Variants in NECAB2 observed in about 807,000 individuals in gnomAD.
NECAB2 encodes the protein N-terminal EF-hand calcium binding protein 2, also known as N-terminal EF-hand calcium-binding protein 2.
Under a neutral mutation model 51.9 loss-of-function variants are expected in NECAB2, and 68 were observed. That is an observed-to-expected ratio of 1.31 (90% CI 1.08 to 1.60). The LOEUF is 1.60. Ranked by LOEUF, NECAB2 falls within the 40% of genes most tolerant of loss-of-function variation. The pLI, the probability that NECAB2 is intolerant of heterozygous loss-of-function variation, is 0.00. For missense variants in NECAB2, 854 were observed against 490.3 expected (o/e 1.74, Z -7.00); for synonymous variants, 329 against 203.5 (o/e 1.62, Z -5.25).
At chr16:83,985,313 C>CAAAAAAAAAAAAAAAAAA (rs71148868) in intron 5 of NECAB2, among the ~76,000 whole-genome samples, 3 of 30,194 alleles carry the variant, frequency 9.9e-5, no homozygotes, top group East Asian at 2.2e-3. Context: ...ATCTCTGTCT[C>CAAAAAAAAAAAAAAAAAA]AAAAAAAAAA....
At chr16:83,971,308 C>T (rs1049191977) in intron 1 of NECAB2, 1 of 152,216 alleles carries the variant, frequency 6.6e-6, no homozygotes, top group African/African-American at 2.4e-5. Context: ...CAGAGTGGGC[C>T]TCACAGCAGC....
chr16:83,991,814 C>CTTTT (rs1362219666), intron 6 of NECAB2, among the ~76,000 whole-genome samples: 47 of 142,750 alleles, frequency 3.3e-4, no homozygotes, highest in African/African-American at 1.2e-3. Context: ...CCACACCCAG[C>CTTTT]TATTTTTTTT....
chr16:83,999,829 G>T (rs73248864), intron 10 of NECAB2, among the ~76,000 whole-genome samples: 23 of 152,066 alleles, frequency 1.5e-4, no homozygotes, highest in Middle Eastern at 6.8e-3. Context: ...TTAAATGAGA[G>T]GACAAGTAGA....
At chr16:83,982,647 ATGGTTGCGTCT>A (rs1470530156) in intron 5 of NECAB2, among the ~76,000 whole-genome samples, 1 of 152,106 alleles carries the variant, frequency 6.6e-6, no homozygotes. Context: ...CGTAACATCC[ATGGTTGCGTCT>A]TGGTCTTCAG....
In NECAB2 at chr16:84,002,626, C is replaced by T; in HGVS notation, c.*280C>T. ...TCCTGGTCCTGGCCTCTCCCCTACC[C>T]CTCACATGGCCACGCATGACCCACA... On this transcript the variant is annotated 3_prime_UTR_variant, in exon 13 of 13. Coordinates refer to ENST00000305202, the MANE Select transcript of NECAB2 (RefSeq NM_019065.3). 4 of 546,518 alleles carry T rather than the reference C, an allele frequency of 7.3e-6. No homozygotes were observed. The South Asian group carries it at 8.3e-5, about 11-fold the overall frequency. 33.9% of individuals were successfully genotyped at this position (546,518 alleles called of 1,614,324 possible).
intron 7 of NECAB2, 52 bp from the exon 8 acceptor site, chr16:83,994,557 A>G: frequency 6.2e-7 from 1 of 1,610,130 alleles, no homozygotes; most frequent in African/African-American, 1.3e-5. Flanking sequence ...TTCCCCCCGA[A>G]GCCCTCGTCC....
chr16:84,000,920 G>C (rs543122953), intron 11 of NECAB2, 119 bp downstream of exon 11: 2 of 977,486 alleles, frequency 2.0e-6, no homozygotes, highest in East Asian at 2.5e-5. Flanking sequence ...GCAGATTCCC[G>C]AGGCATCTAC....
intron 9 of NECAB2, among the ~76,000 whole-genome samples, chr16:83,997,493 T>C (rs1206586600): frequency 7.2e-6 from 1 of 139,566 alleles, no homozygotes; most frequent in Admixed American, 7.2e-5. Context: ...TTTTTTTTTT[T>C]TTTTTTTTTT....
At chr16:83,979,464 G>A (rs569906216) in intron 3 of NECAB2, among the ~76,000 whole-genome samples, 32 of 152,256 alleles carry the variant, frequency 2.1e-4, no homozygotes, top group African/African-American at 6.0e-4. Flanking sequence ...GCTGGGGACC[G>A]GGATATGGTA....
At position 84,002,489 on chromosome 16, in the gene NECAB2, G is replaced by A. The variant is rs2084858428; in HGVS notation, c.*143G>A. The A allele has an allele frequency of 1.6e-5, 18 of 1,113,296 alleles. No individual in the cohort carries two copies. Among genetic ancestry groups the A allele is most frequent in the Admixed American group, 7.7e-5 (4 of 52,238 alleles). The allele number at this position is 1,113,296 out of a possible 1,614,324, so 69.0% of individuals were successfully genotyped here. A position where few individuals can be genotyped will look rare whatever the true frequency, so the allele number is the denominator to read the frequency against. ...AGAAGGTGTTTCCCTGTTGTTAAGTGAAGGAGGCCGCCCCTGCCCCCACCT... is the reference window on the plus strand; with the variant it reads ...AGAAGGTGTTTCCCTGTTGTTAAGTAAAGGAGGCCGCCCCTGCCCCCACCT... On this transcript the variant is annotated 3_prime_UTR_variant, in exon 13 of 13. Coordinates refer to ENST00000305202, the MANE Select transcript of NECAB2 (RefSeq NM_019065.3).
chr16:83,968,054 A>G (rs566258255), upstream of NECAB2, among the ~76,000 whole-genome samples: 990 of 152,004 alleles, frequency 6.5e-3, 5 homozygotes, highest in Non-Finnish European at 0.01. Context: ...TATGAAGGAA[A>G]GATGTTCTGG....
chr16:83,992,248 A>G (rs1411621349), intron 6 of NECAB2, among the ~76,000 whole-genome samples: 1 of 151,706 alleles, frequency 6.6e-6, no homozygotes, highest in African/African-American at 2.4e-5. Flanking sequence ...TGTGCTTGGA[A>G]CCATGGGAAT....
chr16:83,968,747 G>T lies in NECAB2; in HGVS notation c.99G>T (p.Trp33Cys). 8 of 1,071,006 alleles carry T rather than the reference G, an allele frequency of 7.5e-6. No homozygotes were observed. The highest frequency in any genetic ancestry group is 9.0e-6 in the Non-Finnish European group (8 of 887,030). 66.3% of individuals were successfully genotyped at this position (1,071,006 alleles called of 1,614,324 possible). The stretch of plus-strand genomic sequence containing the variant: ...GGGCGCTGGGCGGGCTGCTGCGCTG[G>T]GTGGGCGCCAGGATGGGCGAGCCCC... The part of the protein sequence containing the change: ...QGRALGGLLR[W>C]VGARMGEPRE... Residue 33 changes from tryptophan to cysteine, a missense_variant, in exon 1 of 13, where the codon TGG becomes TGT. By Grantham distance (215) the Trp-to-Cys change is radical. Coordinates refer to ENST00000305202, the MANE Select transcript of NECAB2 (RefSeq NM_019065.3).
chr16:83,977,328 G>A (rs13337627), intron 2 of NECAB2, among the ~76,000 whole-genome samples: 1,753 of 151,952 alleles, frequency 0.012, 19 homozygotes, highest in South Asian at 0.025. Flanking sequence ...CAGGGCAGGT[G>A]GGGGATGAGC....
intron 1 of NECAB2, among the ~76,000 whole-genome samples, chr16:83,969,856 G>T (rs573223720): frequency 6.6e-6 from 1 of 152,290 alleles, no homozygotes; most frequent in East Asian, 1.9e-4. Flanking sequence ...GTGTATCGCG[G>T]ATCCCTGTGA....
intron 5 of NECAB2, among the ~76,000 whole-genome samples, chr16:83,983,953 C>G (rs1049710785): frequency 2.0e-5 from 3 of 148,758 alleles, no homozygotes; most frequent in African/African-American, 5.0e-5. Flanking sequence ...TTTTAGTCAA[C>G]TTTTTCACTT....
chr16:84,000,894 A>C, intron 11 of NECAB2, 93 bp downstream of exon 11: 1 of 1,277,668 alleles, frequency 7.8e-7, no homozygotes, highest in Non-Finnish European at 1.1e-6. Flanking sequence ...GGGGAGGGTA[A>C]GGCCGAGTCC....
chr16:83,999,943 G>A (rs764957700), intron 10 of NECAB2, among the ~76,000 whole-genome samples: 3 of 152,210 alleles, frequency 2.0e-5, no homozygotes, highest in Non-Finnish European at 4.4e-5. Flanking sequence ...TGAGTGTGTA[G>A]TAGTGGAAGC....
intron 5 of NECAB2, among the ~76,000 whole-genome samples, chr16:83,982,989 C>T (rs1393641748): frequency 1.3e-5 from 2 of 152,018 alleles, no homozygotes; most frequent in African/African-American, 2.4e-5. Context: ...CTGCCTCAGC[C>T]TCCCGAGTAG....
Sources: gnomAD v4.1 joint callset for allele counts (sites outside exome capture counted in the v4.1 genomes callset) on GRCh38, gnomAD v4.1.1 for gene constraint, MANE v1.5 for transcripts, NCBI Gene and HGNC (gene_info 2026-07-23, HGNC 2026-07-21) for gene names.